PPP2R3B: variants seen among roughly 807,000 people sequenced by gnomAD.
PPP2R3B encodes the protein serine/threonine-protein phosphatase 2A regulatory subunit B'' subunit beta.
PPP2R3B carries 68 observed loss-of-function variants against 72.9 expected under a neutral mutation model. The ratio of observed to expected loss-of-function variants is 0.93; its 90% CI spans 0.77 to 1.14. The LOEUF (loss-of-function observed/expected upper bound fraction) is 1.14. Ranked by LOEUF, PPP2R3B falls within the 50% of genes most tolerant of loss-of-function variation. PPP2R3B has a pLI of 0.00. For missense variants in PPP2R3B, 1,018 were observed against 842.0 expected (o/e 1.21, Z -2.59); for synonymous variants, 466 against 375.8 (o/e 1.24, Z -2.78).
rs1210202342 is a variant in PPP2R3B, at chrX:362,832, A to G, written c.325-1242T>C. Among the ~76,000 whole-genome samples the G allele has an allele frequency of 2.0e-5, 3 of 150,172 alleles. No individual in the cohort carries two copies. In the East Asian group the frequency reaches 5.9e-4, roughly 29 times the overall value. ...TCACCCCAGGTCACAAGGGTCCCAC[A>G]GACAGCACCCCAACTGTCCCCACCC... On this transcript the variant is annotated intron_variant, in intron 1 of 12. Transcript: ENST00000390665.
At chrX:371,760 C>G (rs1335241333) in intron 1 of PPP2R3B, among the ~76,000 whole-genome samples, 1 of 152,032 alleles carries the variant, frequency 6.6e-6, no homozygotes, top group Non-Finnish European at 1.5e-5. Flanking sequence ...CAGACAGAGC[C>G]CACACTCATG....
At chrX:344,163 G>GT (rs2071142247) in intron 7 of PPP2R3B, among the ~76,000 whole-genome samples, 11 of 115,318 alleles carry the variant, frequency 9.5e-5, no homozygotes, top group South Asian at 3.6e-4. Context: ...GGAGGCGGGA[G>GT]GGAGACCTCA....
rs372466201 is a variant in PPP2R3B at position 334,297 on chromosome X, T to C, written c.*70A>G. The C allele has an allele frequency of 7.1e-7, 1 of 1,405,472 alleles. No individual in the cohort carries two copies. Among genetic ancestry groups the C allele is most frequent in the Non-Finnish European group, 9.3e-7 (1 of 1,077,870 alleles). 87.1% of individuals were successfully genotyped at this position (1,405,472 alleles called of 1,614,324 possible). ...CGCACTCATTTTCCACAACAGTTTT[T>C]ACACGAGCCGCGGTGGCCCGGTGGT... On this transcript the variant is annotated 3_prime_UTR_variant, in exon 13 of 13. Transcript: ENST00000390665.
intron 4 of PPP2R3B, 79 bp from the exon 5 acceptor site, chrX:346,854 C>T (rs1036768905): frequency 1.4e-5 from 19 of 1,320,854 alleles, no homozygotes; most frequent in East Asian, 2.5e-5. Context: ...GCTGCAGACG[C>T]GGACCCTCCC....
chrX:370,609 C>T (rs112378535), intron 1 of PPP2R3B, among the ~76,000 whole-genome samples: 1,758 of 152,314 alleles, frequency 0.012, 31 homozygotes, highest in African/African-American at 0.04. Flanking sequence ...CCCACCCGGG[C>T]TTCTGTTTCC....
intron 8 of PPP2R3B, 98 bp downstream of exon 8, chrX:341,785 G>C: frequency 7.6e-7 from 1 of 1,323,160 alleles, no homozygotes; most frequent in Non-Finnish European, 1.1e-6. Context: ...ACCACTCGCT[G>C]TCGGGGCACA....
chrX:376,645 G>A (rs1324863570), intron 1 of PPP2R3B, among the ~76,000 whole-genome samples: 4 of 67,182 alleles, frequency 6.0e-5, no homozygotes, highest in Admixed American at 4.1e-4. Context: ...CTGTATGCAG[G>A]GACGGGCCAT....
intron 1 of PPP2R3B, among the ~76,000 whole-genome samples, chrX:371,233 G>A (rs1425838912): frequency 1.3e-5 from 2 of 152,130 alleles, no homozygotes; most frequent in African/African-American, 4.8e-5. Flanking sequence ...GTGAGAGCAT[G>A]AGCCGTGTAA....
rs1190254145 is a variant in PPP2R3B at position 338,796 on chromosome X, C to T, written c.1452G>A (p.Glu484=). 3.1e-6 allele frequency: 5 copies of T among 1,612,314 alleles called. No homozygotes were observed. Among genetic ancestry groups the T allele is most frequent in the Non-Finnish European group, 3.4e-6 (4 of 1,179,694 alleles). Reference sequence around the variant, plus strand: ...CACTCACCCTGAGCAGGGAGATCTGCTCTTTCTGCTCGTGGTCGAGGTACT... The same window carrying T: ...CACTCACCCTGAGCAGGGAGATCTGTTCTTTCTGCTCGTGGTCGAGGTACT... ...IEKYLDHEQK[E]QISLLRDGDS... is the part of the protein sequence containing the mutation. The change falls in exon 11 of 13, where the codon GAG becomes GAA. Residue 484 remains glutamate, a synonymous_variant. Coordinates refer to ENST00000390665, the MANE Select transcript of PPP2R3B (RefSeq NM_013239.5).
rs2071727753 is a variant in PPP2R3B, at chrX:366,945, T to C, written c.325-5355A>G. ...TGAGAGGCTGAGGCAGGAGAATCGC[T>C]TAAACCCGGGAGGCGGAGGGTGCGG... On this transcript the variant is annotated intron_variant, in intron 1 of 12. Coordinates refer to ENST00000390665, the MANE Select transcript of PPP2R3B (RefSeq NM_013239.5). 2.6e-5 allele frequency among the ~76,000 whole-genome samples: 4 copies of C among 151,708 alleles called. 1 individual carries two copies. Among genetic ancestry groups the C allele is most frequent in the Admixed American group, 2.6e-4 (4 of 15,264 alleles).
chrX:376,436 C>A (rs73613898), intron 1 of PPP2R3B, among the ~76,000 whole-genome samples: 3,421 of 109,668 alleles, frequency 0.031, 218 homozygotes, highest in African/African-American at 0.16. Context: ...TCGACAGAGC[C>A]CCCATGGGGC....
rs770714018 is a variant in PPP2R3B, at chrX:370,606, G to A, written c.325-9016C>T. On this transcript the variant is annotated intron_variant, in intron 1 of 12. Transcript: ENST00000390665. ...GTCTTCTGTGTGGACGTTCCCACCC[G>A]GGCTTCTGTTTCCCGTTAACCCCCC... 1.3e-4 allele frequency among the ~76,000 whole-genome samples: 20 copies of A among 152,298 alleles called. No individual in the cohort carries two copies. The East Asian group carries it at 1.7e-3, about 13-fold the overall frequency.
intron 2 of PPP2R3B, among the ~76,000 whole-genome samples, chrX:357,151 G>A (rs1182486585): frequency 3.9e-5 from 6 of 151,970 alleles, no homozygotes; most frequent in Admixed American, 6.6e-5. Context: ...TACAGCGACC[G>A]GAAGCACATC....
At chrX:378,147 T>C (rs939374100) in intron 1 of PPP2R3B, among the ~76,000 whole-genome samples, 1 of 152,184 alleles carries the variant, frequency 6.6e-6, no homozygotes, top group Non-Finnish European at 1.5e-5. Context: ...GTTTTCAGCC[T>C]GTTCCCCCCA....
At chrX:355,828 C>G (rs1470891262) in intron 2 of PPP2R3B, among the ~76,000 whole-genome samples, 1 of 152,196 alleles carries the variant, frequency 6.6e-6, no homozygotes, top group African/African-American at 2.4e-5. Flanking sequence ...AGGTGCGCGT[C>G]AGAAAGCAGC....
rs1372583479 is a variant in PPP2R3B, at chrX:347,040, C to T, written c.717+194G>A. On this transcript the variant is annotated intron_variant, in intron 4 of 12. Transcript: ENST00000390665. ...TGAGCGATGAGGTGTGCGGTGTAGA[C>T]GCGGACCCTCCCATGAGGGATGAGG... Among the ~76,000 whole-genome samples, 4 of 148,770 alleles carry T rather than the reference C, an allele frequency of 2.7e-5. No homozygotes were observed. In the South Asian group the frequency reaches 8.4e-4, roughly 31 times the overall value.
intron 1 of PPP2R3B, among the ~76,000 whole-genome samples, chrX:367,328 G>C (rs748662492): frequency 6.6e-5 from 10 of 152,076 alleles, no homozygotes; most frequent in South Asian, 2.1e-4. Context: ...CAATACAACA[G>C]CCTGTCAGTG....
At chrX:337,254 T>TTTTG (rs2070915453) in intron 12 of PPP2R3B, 1 of 152,220 alleles carries the variant, frequency 6.6e-6, no homozygotes, top group Admixed American at 6.5e-5. Context: ...CTAATTTTTT[T>TTTTG]TTTGTTTAGT....
chrX:364,859 G>A (rs2071669856), intron 1 of PPP2R3B, among the ~76,000 whole-genome samples: 1 of 29,284 alleles, frequency 3.4e-5, no homozygotes, highest in Non-Finnish European at 5.5e-5. Context: ...CTCCAGCCTG[G>A]GCGACAGAGT....
Sources: allele counts gnomAD v4.1 joint callset (sites outside exome capture counted in the v4.1 genomes callset), GRCh38; gene constraint gnomAD v4.1.1; transcripts MANE v1.5; gene names NCBI Gene and HGNC (gene_info 2026-07-23, HGNC 2026-07-21).